Variants in BNC2 observed in about 807,000 individuals in gnomAD.
BNC2 encodes the protein zinc finger protein basonuclin-2.
Under a neutral mutation model 76.3 loss-of-function variants are expected in BNC2, and 20 were observed. That is an observed-to-expected ratio of 0.26 (90% confidence interval 0.18 to 0.38). The LOEUF is 0.38. Among genes scored for constraint, BNC2 ranks in the 10% least tolerant of loss-of-function variants. The pLI is 1.00. For missense variants in BNC2, 1,382 were observed against 1,399.8 expected, an observed-to-expected ratio of 0.99 and a Z score of 0.20; for synonymous variants, 582 against 514.8, an observed-to-expected ratio of 1.13 and a Z score of -1.77.
At chr9:16,690,122 T>G (rs1251957830) in intron 3 of BNC2, among the ~76,000 whole-genome samples, 1 of 151,942 alleles carries the variant, frequency 6.6e-6, no homozygotes, top group Non-Finnish European at 1.5e-5. Context: ...AGACTAAGAC[T>G]CAGAAGGACC....
chr9:16,865,094 G>A (rs1364814540), intron 1 of BNC2, among the ~76,000 whole-genome samples: 1 of 150,028 alleles, frequency 6.7e-6, no homozygotes, highest in Admixed American at 6.6e-5. Flanking sequence ...TTTGGCAAAT[G>A]TAAGGTCATT....
intron 1 of BNC2, among the ~76,000 whole-genome samples, chr9:16,830,917 G>A (rs1234047662): frequency 6.6e-6 from 1 of 152,244 alleles, no homozygotes; most frequent in Non-Finnish European, 1.5e-5. Context: ...TAGCAAGGGT[G>A]AATGGCACTG....
chr9:16,437,987 A>G (rs1234834734), intron 5 of BNC2, among the ~76,000 whole-genome samples: 2 of 152,362 alleles, frequency 1.3e-5, no homozygotes, highest in Non-Finnish European at 2.9e-5. Flanking sequence ...CTTCTTCAAC[A>G]TAAGCAGACA....
chr9:16,665,175 C>G (rs1822234090), intron 3 of BNC2: 2 of 412,332 alleles, frequency 4.9e-6, no homozygotes, highest in Non-Finnish European at 4.7e-6. Flanking sequence ...TTGAGACCAG[C>G]CTGAAAAACA....
chr9:16,802,315 CT>C (rs1046910497), intron 1 of BNC2, among the ~76,000 whole-genome samples: 9 of 152,230 alleles, frequency 5.9e-5, no homozygotes, highest in East Asian at 1.9e-4. Flanking sequence ...CAACAGTCCA[CT>C]GCAGTGTCTT....
At chr9:16,498,922 T>C (rs1822458092) in intron 5 of BNC2, among the ~76,000 whole-genome samples, 1 of 152,106 alleles carries the variant, frequency 6.6e-6, no homozygotes, top group Non-Finnish European at 1.5e-5. Flanking sequence ...GGATATCAAA[T>C]AGTAGAATAA....
chr9:16,718,916 C>T (rs1824067190), intron 3 of BNC2, among the ~76,000 whole-genome samples: 1 of 152,122 alleles, frequency 6.6e-6, no homozygotes. Flanking sequence ...AAATGCACTA[C>T]CATAATGTGG....
intron 5 of BNC2, among the ~76,000 whole-genome samples, chr9:16,447,957 G>A (rs1318043654): frequency 1.3e-5 from 2 of 151,992 alleles, no homozygotes; most frequent in Non-Finnish European, 1.5e-5. Flanking sequence ...ATTCTAGAGG[G>A]TACTTATTTT....
intron 4 of BNC2, among the ~76,000 whole-genome samples, chr9:16,575,856 C>G (rs1819469482): frequency 6.6e-6 from 1 of 152,166 alleles, no homozygotes. Context: ...TTTCCCTGAG[C>G]AAAAGAGAAT....
intron 5 of BNC2, among the ~76,000 whole-genome samples, chr9:16,447,404 CTATT>C (rs1821251639): frequency 6.6e-6 from 1 of 152,086 alleles, no homozygotes; most frequent in African/African-American, 2.4e-5. Flanking sequence ...TATTATTCTA[CTATT>C]TATGCCTAGA....
chr9:16,702,185 G>A (rs923347093), intron 3 of BNC2, among the ~76,000 whole-genome samples: 1 of 152,050 alleles, frequency 6.6e-6, no homozygotes, highest in African/African-American at 2.4e-5. Context: ...TTCTACAGAG[G>A]TGTAAACACT....
chr9:16,772,852 T>C (rs1825866161), intron 1 of BNC2, among the ~76,000 whole-genome samples: 1 of 152,166 alleles, frequency 6.6e-6, no homozygotes, highest in Non-Finnish European at 1.5e-5. Flanking sequence ...TGAAGACTGA[T>C]TCTTTTTCTG....
intron 5 of BNC2, among the ~76,000 whole-genome samples, chr9:16,479,706 A>G (rs1271828768): frequency 3.9e-5 from 6 of 152,212 alleles, no homozygotes; most frequent in Admixed American, 3.9e-4. Flanking sequence ...TTTTTAAAGT[A>G]CAGAAATAAA....
chr9:16,449,277 C>T (rs1821290676), intron 5 of BNC2, among the ~76,000 whole-genome samples: 1 of 152,148 alleles, frequency 6.6e-6, no homozygotes, highest in South Asian at 2.1e-4. Context: ...CCATTAGAAG[C>T]ACTTTTACAA....
rs1820462230 is a variant in BNC2, at chr9:16,411,569, A to G, written c.*7420T>C. 6.6e-6 allele frequency: 1 copy of G among 152,618 alleles called. No homozygotes were observed. Among genetic ancestry groups the G allele is most frequent in the Admixed American group, 6.5e-5 (1 of 15,284 alleles). The allele number at this position is 152,618 out of a possible 1,614,324, so 9.5% of individuals were successfully genotyped here. On this transcript the variant is annotated 3_prime_UTR_variant, in exon 7 of 7. Transcript: ENST00000380672. Reference sequence around the variant, plus strand: ...ATTCTATTAAGATGTCTGATAAACGATTGTAACATATACATACTGAGGAAC... The same window carrying G: ...ATTCTATTAAGATGTCTGATAAACGGTTGTAACATATACATACTGAGGAAC...
chr9:16,757,028 T>C (rs1422975710), intron 1 of BNC2, among the ~76,000 whole-genome samples: 2 of 151,272 alleles, frequency 1.3e-5, no homozygotes, highest in African/African-American at 4.9e-5. Context: ...AGAAGGTAAC[T>C]ACCTATTCCT....
At chr9:16,473,137 A>G (rs1319561283) in intron 5 of BNC2, 1 of 152,248 alleles carries the variant, frequency 6.6e-6, no homozygotes, top group African/African-American at 2.4e-5. Context: ...GTGTGGGCAG[A>G]CAAAATGGCA....
At chr9:16,587,903 T>C (rs1454912347) in intron 3 of BNC2, among the ~76,000 whole-genome samples, 2 of 152,206 alleles carry the variant, frequency 1.3e-5, no homozygotes, top group African/African-American at 4.8e-5. Context: ...TTCTGTATCA[T>C]AATTGATCTG....
chr9:16,780,079 A>G (rs1826087147), intron 1 of BNC2, among the ~76,000 whole-genome samples: 1 of 150,272 alleles, frequency 6.7e-6, no homozygotes, highest in Non-Finnish European at 1.5e-5. Context: ...TACTAAAAAT[A>G]CAAAAAATTA....
Sources: allele counts gnomAD v4.1 joint callset (sites outside exome capture counted in the v4.1 genomes callset), GRCh38; gene constraint gnomAD v4.1.1; transcripts MANE v1.5; gene names NCBI Gene and HGNC (gene_info 2026-07-23, HGNC 2026-07-21).